The following PIK3CA variants were observed in gnomAD, a reference collection of about 807,000 sequenced individuals.
PIK3CA encodes the protein phosphatidylinositol-4,5-bisphosphate 3-kinase catalytic subunit alpha.
In PIK3CA, 27 loss-of-function variants were observed where a neutral mutation model predicts 138.2. That is an observed-to-expected ratio of 0.20 (90% CI 0.14 to 0.27). The LOEUF (loss-of-function observed/expected upper bound fraction) is 0.27. Among genes scored for constraint, PIK3CA ranks in the 10% least tolerant of loss-of-function variants. PIK3CA has a pLI of 1.00. For missense variants in PIK3CA, 544 were observed against 1,277.4 expected (o/e 0.43, Z 8.75); for synonymous variants, 358 against 413.2 (o/e 0.87, Z 1.62).
Position 179,234,190 on chromosome 3 carries a change from A to G in PIK3CA, c.3033A>G (p.Pro1011=), listed in dbSNP as rs745905247. 1 of 1,613,764 alleles carries G rather than the reference A, an allele frequency of 6.2e-7. No individual in the cohort carries two copies. The highest frequency in any genetic ancestry group is 8.5e-7 in the Non-Finnish European group (1 of 1,179,760). ...LFSMMLGSGM[P]ELQSFDDIAY... is the part of the protein sequence containing the mutation. ...CAATGATGCTTGGCTCTGGAATGCCAGAACTACAATCTTTTGATGACATTG... is the reference window on the plus strand; with the variant it reads ...CAATGATGCTTGGCTCTGGAATGCCGGAACTACAATCTTTTGATGACATTG... Residue 1011 remains proline, a synonymous_variant, in exon 21 of 21, where the codon CCA becomes CCG. Coordinates refer to ENST00000263967, the MANE Select transcript of PIK3CA (RefSeq NM_006218.4). The surrounding 1 kb of genome is among the most constrained non-coding windows in gnomAD (Gnocchi z 5.1).
At chr3:179,201,205 G>A (rs1307140911) in intron 3 of PIK3CA, 85 bp from the exon 4 acceptor site, 36 of 1,112,446 alleles carry the variant, frequency 3.2e-5, no homozygotes, top group Non-Finnish European at 5.2e-6. Context: ...TATGGATAAA[G>A]TAATGATAGT....
intron 1 of PIK3CA, among the ~76,000 whole-genome samples, chr3:179,169,779 A>ATAC (rs1202241362): frequency 1.3e-5 from 2 of 152,226 alleles, no homozygotes; most frequent in African/African-American, 4.8e-5. Flanking sequence ...AGCTGTTATA[A>ATAC]TACTTCTTAC....
intron 5 of PIK3CA, among the ~76,000 whole-genome samples, chr3:179,204,185 A>T (rs1282518158): frequency 6.6e-6 from 1 of 152,242 alleles, no homozygotes; most frequent in Non-Finnish European, 1.5e-5. Context: ...CTAAGGAAGT[A>T]GTATTTAGTA....
chr3:179,159,278 G>A (rs992261188), intron 1 of PIK3CA, among the ~76,000 whole-genome samples: 1 of 152,100 alleles, frequency 6.6e-6, no homozygotes, highest in African/African-American at 2.4e-5. Flanking sequence ...ATTGCCCTGG[G>A]GCTGACCAAG....
intron 17 of PIK3CA, among the ~76,000 whole-genome samples, chr3:179,228,822 T>C (rs1051003104): frequency 6.6e-6 from 1 of 152,142 alleles, no homozygotes; most frequent in Non-Finnish European, 1.5e-5. Context: ...TTTCAATTTC[T>C]AATATCATTA....
Position 179,198,819 on chromosome 3 carries a change from C to T in PIK3CA, c.-7C>T, listed in dbSNP as rs1724332304. 6.8e-7 allele frequency: 1 copy of T among 1,479,956 alleles called. No individual in the cohort carries two copies. Among genetic ancestry groups the T allele is most frequent in the Non-Finnish European group, 9.1e-7 (1 of 1,103,776 alleles). 91.7% of individuals were successfully genotyped at this position (1,479,956 alleles called of 1,614,324 possible). A position where few individuals can be genotyped will look rare whatever the true frequency, so the allele number is the denominator to read the frequency against. Reference sequence around the variant, plus strand: ...TTTATATGTAAAACTTGCAAAGAATCAGAACAATGCCTCCACGACCATCAT... The same window carrying T: ...TTTATATGTAAAACTTGCAAAGAATTAGAACAATGCCTCCACGACCATCAT... On this transcript the variant is annotated 5_prime_UTR_variant, in exon 2 of 21. Transcript: ENST00000263967.
At chr3:179,150,429 G>A (rs1722987256) in intron 1 of PIK3CA, among the ~76,000 whole-genome samples, 1 of 152,132 alleles carries the variant, frequency 6.6e-6, no homozygotes, top group Admixed American at 6.5e-5. Flanking sequence ...AAGTTTTAAA[G>A]ACATTCCTGT....
At chr3:179,155,390 G>A (rs1398508293) in intron 1 of PIK3CA, among the ~76,000 whole-genome samples, 1 of 152,144 alleles carries the variant, frequency 6.6e-6, no homozygotes, top group Non-Finnish European at 1.5e-5. Flanking sequence ...AAATTGCTGT[G>A]TGCCAGTCTT....
intron 1 of PIK3CA, among the ~76,000 whole-genome samples, chr3:179,173,682 T>A (rs999829176): frequency 1.3e-5 from 2 of 152,180 alleles, no homozygotes; most frequent in Non-Finnish European, 2.9e-5. Flanking sequence ...CGTGGTGTAT[T>A]GACAACAAAG....
intron 1 of PIK3CA, among the ~76,000 whole-genome samples, chr3:179,180,111 A>G (rs185579066): frequency 2.4e-4 from 37 of 152,258 alleles, no homozygotes; most frequent in African/African-American, 8.2e-4. Context: ...GATCCACAAT[A>G]TTGTCTTAAT....
Position 179,190,670 on chromosome 3 carries a change from G to T in PIK3CA, c.-76-8080G>T, listed in dbSNP as rs189088002. Among the ~76,000 whole-genome samples, 9 of 152,184 alleles carry T rather than the reference G, an allele frequency of 5.9e-5. No individual in the cohort carries two copies. The East Asian group carries it at 1.7e-3, about 29-fold the overall frequency. ...TCTCTCTCTCGTTAATGGGTTGTAG[G>T]GGGGTGAAAGAACCGTCTCTGTCTC... On this transcript the variant is annotated intron_variant, in intron 1 of 20. Transcript: ENST00000263967.
Position 179,224,145 on chromosome 3 carries a change from T to C in PIK3CA, c.2252T>C (p.Phe751Ser). Reference sequence around the variant, plus strand: ...GATTTCATGGATGCTCTACAGGGCTTTCTGTCTCCTCTAAACCCTGCTCAT... The same window carrying C: ...GATTTCATGGATGCTCTACAGGGCTCTCTGTCTCCTCTAAACCCTGCTCAT... ...RPDFMDALQG[F>S]LSPLNPAHQL... The change falls in exon 15 of 21, where the codon TTT becomes TCT. Residue 751 changes from phenylalanine to serine, a missense_variant. Physicochemically the swap from Phe to Ser is radical, Grantham distance 155. Transcript: ENST00000263967. 1 of 1,602,142 alleles carries C rather than the reference T, an allele frequency of 6.2e-7. No individual in the cohort carries two copies. Among genetic ancestry groups the C allele is most frequent in the Non-Finnish European group, 8.5e-7 (1 of 1,171,474 alleles).
intron 1 of PIK3CA, among the ~76,000 whole-genome samples, chr3:179,189,714 G>A (rs1426898147): frequency 6.6e-6 from 1 of 152,112 alleles, no homozygotes; most frequent in Non-Finnish European, 1.5e-5. Flanking sequence ...TCTTAGCACT[G>A]TAAATATGAA....
Position 179,220,081 on chromosome 3 carries a change from C to A in PIK3CA, c.2015+29C>A. The A allele has an allele frequency of 2.7e-6, 4 of 1,465,026 alleles. No homozygotes were observed. The highest frequency in any genetic ancestry group is 1.3e-5 in the South Asian group (1 of 79,194). The allele number at this position is 1,465,026 out of a possible 1,614,324, so 90.8% of individuals were successfully genotyped here. A position where few individuals can be genotyped will look rare whatever the true frequency, so the allele number is the denominator to read the frequency against. On this transcript the variant is annotated intron_variant, in intron 13 of 20. Transcript: ENST00000263967. The surrounding 1 kb of genome is among the most constrained non-coding windows in gnomAD (Gnocchi z 4.1). ...AGTCTAATTATTTTCCCATTAAATTCTTAAGGTACATATTACTTGCTTTCT... is the reference window on the plus strand; with the variant it reads ...AGTCTAATTATTTTCCCATTAAATTATTAAGGTACATATTACTTGCTTTCT...
chr3:179,223,564 T>TA (rs1417473897), intron 14 of PIK3CA, among the ~76,000 whole-genome samples: 3 of 152,198 alleles, frequency 2.0e-5, no homozygotes, highest in African/African-American at 7.2e-5. Context: ...CTTAAAAGCC[T>TA]AAAAGTAAGG....
At chr3:179,195,803 C>A (rs1309777905) in intron 1 of PIK3CA, among the ~76,000 whole-genome samples, 2 of 152,136 alleles carry the variant, frequency 1.3e-5, no homozygotes, top group Non-Finnish European at 2.9e-5. Flanking sequence ...TACTGCCCAC[C>A]CATGTACATG....
In PIK3CA at chr3:179,218,281, A is replaced by G; in HGVS notation, c.1611A>G (p.Arg537=). ...AACAGCTCAAAGCAATTTCTACACG[A>G]GATCCTCTCTCTGAAATCACTGAGC... The part of the protein sequence containing the change: ...DKEQLKAIST[R]DPLSEITEQE... The change falls in exon 10 of 21, where the codon CGA becomes CGG. Residue 537 remains arginine, a synonymous_variant. Coordinates refer to ENST00000263967, the MANE Select transcript of PIK3CA (RefSeq NM_006218.4). 4 of 1,611,750 alleles carry G rather than the reference A, an allele frequency of 2.5e-6. No individual in the cohort carries two copies. The highest frequency in any genetic ancestry group is 3.4e-6 in the Non-Finnish European group (4 of 1,178,558).
chr3:179,226,841 T>C (rs541197646), intron 17 of PIK3CA, among the ~76,000 whole-genome samples: 34 of 152,234 alleles, frequency 2.2e-4, no homozygotes, highest in African/African-American at 7.7e-4. Flanking sequence ...AGGCACAAAA[T>C]TGTCATCAAC....
chr3:179,209,552 G>T, intron 6 of PIK3CA, 43 bp from the exon 7 acceptor site: 1 of 1,185,526 alleles, frequency 8.4e-7, no homozygotes. Flanking sequence ...CTTTGATGAA[G>T]ACTTTTCTTG....
Sources: allele counts gnomAD v4.1 joint callset (sites outside exome capture counted in the v4.1 genomes callset), GRCh38; gene constraint gnomAD v4.1.1; non-coding constraint Gnocchi (gnomAD v3.1); transcripts MANE v1.5; gene names NCBI Gene and HGNC (gene_info 2026-07-23, HGNC 2026-07-21).